The following HACD4 variants were observed in gnomAD, a reference collection of about 807,000 sequenced individuals.
HACD4 encodes very-long-chain (3R)-3-hydroxyacyl-CoA dehydratase 4.
Under a neutral mutation model 33.3 loss-of-function variants are expected in HACD4, and 35 were observed. That is an observed-to-expected ratio of 1.05 (90% CI 0.80 to 1.39). The LOEUF (loss-of-function observed/expected upper bound fraction) is 1.39. Ranked by LOEUF, HACD4 falls within the 40% of genes most tolerant of loss-of-function variation. The pLI, the probability that HACD4 is intolerant of heterozygous loss-of-function variation, is 0.00. For synonymous variants in HACD4, 118 were observed against 98.0 expected (o/e 1.20, Z -1.21); for missense variants, 323 against 276.5 (o/e 1.17, Z -1.19).
Position 21,026,727 on chromosome 9 carries a change from T to A in HACD4, c.143-4A>T. 1.2e-6 allele frequency: 2 copies of A among 1,611,658 alleles called. No homozygotes were observed. Among genetic ancestry groups the A allele is most frequent in the South Asian group, 2.2e-5 (2 of 90,254 alleles). On this transcript the variant is annotated splice_region_variant and splice_polypyrimidine_tract_variant and intron_variant, in intron 2 of 6. Coordinates refer to ENST00000495827, the MANE Select transcript of HACD4 (RefSeq NM_001010915.5). ...TAAAAAGTGTCAACCATTGAATCTG[T>A]ATCCCGTGGGTTAAAAATGCAGATA... is the stretch of plus-strand genomic sequence containing the variant.
In HACD4 at chr9:21,015,917, T is replaced by G; in HGVS notation, c.364A>C (p.Asn122His). The G allele has an allele frequency of 6.2e-7, 1 of 1,611,600 alleles. No individual in the cohort carries two copies. The highest frequency in any genetic ancestry group is 8.5e-7 in the Non-Finnish European group (1 of 1,177,894). ...YVVCVLFVFW[N>H]LLDMVRYTYS... ...TCTTACCTAACCATATCCAATAGAT[T>G]CCAAAAGACGAATAAAACACACACC... Residue 122 changes from asparagine (N) to histidine (H), a missense_variant, in exon 4 of 7, where the codon AAT (asparagine) becomes CAT (histidine). Asn to His is a moderately conservative substitution (Grantham distance 68, BLOSUM62 1). Coordinates refer to ENST00000495827, the MANE Select transcript of HACD4 (RefSeq NM_001010915.5).
intron 6 of HACD4, 65 bp downstream of exon 6, chr9:21,007,943 TGTATATTAAGGTA>T: frequency 7.5e-7 from 1 of 1,337,906 alleles, no homozygotes. Context: ...TTTACCAACC[TGTATATTAAGGTA>T]GACGGCAAGC....
intron 1 of HACD4, 73 bp downstream of exon 1, chr9:21,031,480 C>CAGAGGGGAGCGCCCGCT (rs1166002325): frequency 7.2e-7 from 1 of 1,398,078 alleles, no homozygotes; most frequent in African/African-American, 1.5e-5. Context: ...GCCCGCCCGC[C>CAGAGGGGAGCGCCCGCT]GCAGAGGGGA....
In HACD4 at chr9:21,002,606, G is replaced by A. The variant is rs947982794; in HGVS notation, c.*4431C>T. On this transcript the variant is annotated 3_prime_UTR_variant, in exon 7 of 7. Transcript: ENST00000495827. ...TTAATGAGTATAGGGTATAAGTTTT[G>A]CAAGGTAAAAAAAGTTCTGGAGATG... is the stretch of plus-strand genomic sequence containing the variant. The A allele has an allele frequency of 1.3e-5, 2 of 152,044 alleles. No individual in the cohort carries two copies. The highest frequency in any genetic ancestry group is 6.6e-5 in the Admixed American group (1 of 15,256). The allele number at this position is 152,044 out of a possible 1,614,324, so 9.4% of individuals were successfully genotyped here. A position where few individuals can be genotyped will look rare whatever the true frequency, so the allele number is the denominator to read the frequency against.
chr9:21,008,007 A>G lies in HACD4; in HGVS notation c.616+14T>C, dbSNP rs368752619. 1.3e-6 allele frequency: 2 copies of G among 1,576,936 alleles called. No individual in the cohort carries two copies. Among genetic ancestry groups the G allele is most frequent in the Non-Finnish European group, 1.7e-6 (2 of 1,164,892 alleles). On this transcript the variant is annotated intron_variant, in intron 6 of 6. Transcript: ENST00000495827. ...CAGGAAAAATGCAAAAACAAGACCA[A>G]AAAAGCCACTTACCTATAAAGAGCA...
chr9:21,030,844 T>C (rs560674622), intron 1 of HACD4, among the ~76,000 whole-genome samples: 1 of 152,210 alleles, frequency 6.6e-6, no homozygotes, highest in Non-Finnish European at 1.5e-5. Context: ...GACAGATAGA[T>C]GGTTTGAGGG....
chr9:21,015,364 C>A (rs1331554884), intron 4 of HACD4: 1 of 152,316 alleles, frequency 6.6e-6, no homozygotes, highest in Admixed American at 6.5e-5. Context: ...TTTGACACCA[C>A]CACTTGTAGA....
chr9:21,016,001 T>C lies in HACD4; in HGVS notation c.280A>G (p.Arg94Gly), dbSNP rs1192053772. Residue 94 changes from arginine to glycine, a missense_variant, in exon 4 of 7, where the codon AGA becomes GGA. By Grantham distance (125) the Arg-to-Gly change is moderately radical. Coordinates refer to ENST00000495827, the MANE Select transcript of HACD4 (RefSeq NM_001010915.5). ...LLPRFLQLTE[R>G]IIILFVVITS... is the part of the protein sequence containing the mutation. ...ATCACCACAAAAAGGATGATTATTC[T>C]TTCTGTGAGCTAACAAAGAAACAGC... is the stretch of plus-strand genomic sequence containing the variant. 6 of 1,610,250 alleles carry C rather than the reference T, an allele frequency of 3.7e-6. No homozygotes were observed. The highest frequency in any genetic ancestry group is 2.2e-5 in the East Asian group (1 of 44,796).
intron 3 of HACD4, among the ~76,000 whole-genome samples, chr9:21,021,763 A>G (rs1817919589): frequency 6.6e-6 from 1 of 152,216 alleles, no homozygotes; most frequent in South Asian, 2.1e-4. Context: ...TTCCATGCTC[A>G]TGGGTAGGAA....
At chr9:21,007,270 C>T in intron 6 of HACD4, 151 bp from the exon 7 acceptor site, 1 of 597,680 alleles carries the variant, frequency 1.7e-6, no homozygotes, top group Non-Finnish European at 3.0e-6. Flanking sequence ...AAGAAGTGTC[C>T]AGATTTTATG....
chr9:21,029,297 T>G lies in HACD4; in HGVS notation c.140A>C (p.Lys47Thr). The G allele has an allele frequency of 6.4e-7, 1 of 1,553,894 alleles. No homozygotes were observed. The highest frequency in any genetic ancestry group is 2.3e-5 in the East Asian group (1 of 44,408). The stretch of plus-strand genomic sequence containing the variant: ...AAAAAACTGTTTCGGAGTTTTACCT[T>G]TTCCAAATGAAAAGAATCTGACTGT... ...NMTVRFFSFG[K>T]DSMVDTFYAI... Residue 47 changes from lysine to threonine, a missense_variant and splice_region_variant, in exon 2 of 7, where the codon AAA becomes ACA. Physicochemically the swap from Lys to Thr is moderately conservative, Grantham distance 78. Coordinates refer to ENST00000495827, the MANE Select transcript of HACD4 (RefSeq NM_001010915.5).
chr9:21,023,625 A>G (rs1163650428), intron 3 of HACD4, among the ~76,000 whole-genome samples: 3 of 139,822 alleles, frequency 2.1e-5, no homozygotes, highest in Non-Finnish European at 4.5e-5. Flanking sequence ...CCCAGGCTGG[A>G]GTGCAGTGGC....
At chr9:21,021,668 A>G (rs910071014) in intron 3 of HACD4, among the ~76,000 whole-genome samples, 1 of 152,206 alleles carries the variant, frequency 6.6e-6, no homozygotes, top group Non-Finnish European at 1.5e-5. Context: ...AATCCAACTT[A>G]AAAGGGATGT....
chr9:21,016,947 T>A (rs1381713890), intron 3 of HACD4, among the ~76,000 whole-genome samples: 2 of 152,120 alleles, frequency 1.3e-5, no homozygotes, highest in Non-Finnish European at 1.5e-5. Flanking sequence ...AATAAAAAAA[T>A]ACATTCCTTT....
At chr9:21,015,855 A>G in intron 4 of HACD4, 43 bp downstream of exon 4, 1 of 1,302,420 alleles carries the variant, frequency 7.7e-7, no homozygotes, top group Non-Finnish European at 1.1e-6. Context: ...TCACTGCAGA[A>G]AGCAATTTAG....
rs1842288469 is a variant in HACD4 at position 21,007,068 on chromosome 9, C to A, written c.668G>T (p.Gly223Val). 6.3e-7 allele frequency: 1 copy of A among 1,586,910 alleles called. No homozygotes were observed. Among genetic ancestry groups the A allele is most frequent in the Non-Finnish European group, 8.7e-7 (1 of 1,155,564 alleles). Residue 223 changes from glycine to valine, a missense_variant, in exon 7 of 7, where the codon GGA becomes GTA. Physicochemically the swap from Gly to Val is moderately radical, Grantham distance 109 (BLOSUM62 -3). Transcript: ENST00000495827. ...CTTCTTTTTTTTAATGGGAAAGATT[C>A]CGAGGATGTCTCTTCTTTCTGAGTA... is the stretch of plus-strand genomic sequence containing the variant. ...HLYSERRDIL[G>V]IFPIKKKKM is the part of the protein sequence containing the mutation.
intron 3 of HACD4, among the ~76,000 whole-genome samples, chr9:21,018,431 A>C (rs1471048668): frequency 2.0e-5 from 3 of 152,180 alleles, no homozygotes; most frequent in Non-Finnish European, 4.4e-5. Flanking sequence ...GATATGAGTT[A>C]CTCCATCACC....
chr9:21,006,005 C>A lies in HACD4; in HGVS notation c.*1032G>T, dbSNP rs1181328897. ...AGGATGAATTCTACCTTGAATCTCA[C>A]CCACATCTGATTTAGACGAGACTTT... On this transcript the variant is annotated 3_prime_UTR_variant, in exon 7 of 7. Transcript: ENST00000495827. The surrounding 1 kb of genome is among the most constrained non-coding windows in gnomAD (Gnocchi z 4.6). 1 of 152,198 alleles carries A rather than the reference C, an allele frequency of 6.6e-6. No homozygotes were observed. Among genetic ancestry groups the A allele is most frequent in the Admixed American group, 6.5e-5 (1 of 15,272 alleles). The allele number at this position is 152,198 out of a possible 1,614,324, so 9.4% of individuals were successfully genotyped here. A position where few individuals can be genotyped will look rare whatever the true frequency, so the allele number is the denominator to read the frequency against.
chr9:21,022,329 G>C (rs1564278102), intron 3 of HACD4, among the ~76,000 whole-genome samples: 1 of 152,150 alleles, frequency 6.6e-6, no homozygotes, highest in African/African-American at 2.4e-5. Flanking sequence ...AGGACTTCAT[G>C]ACTAAAACAC....
Sources: gnomAD v4.1 joint callset for allele counts (sites outside exome capture counted in the v4.1 genomes callset) on GRCh38, gnomAD v4.1.1 for gene constraint, Gnocchi (gnomAD v3.1) non-coding constraint, MANE v1.5 for transcripts, NCBI Gene and HGNC (gene_info 2026-07-23, HGNC 2026-07-21) for gene names.